Variants in CELSR3 observed in about 807,000 individuals in gnomAD.
The protein encoded by CELSR3 is EGF-like protein 1.
In CELSR3, 73 loss-of-function variants were observed where a neutral mutation model predicts 270.0. The observed-to-expected ratio is 0.27, with a 90% CI of 0.22 to 0.33. CELSR3 has a LOEUF of 0.33. CELSR3 is among the 10% of genes least tolerant of loss of function. The pLI is 1.00. For synonymous variants in CELSR3, 1,780 were observed against 1,905.4 expected, an observed-to-expected ratio of 0.93 and a Z score of 1.71; for missense variants, 3,614 against 4,533.8, an observed-to-expected ratio of 0.80 and a Z score of 5.83.
At position 48,653,566 on chromosome 3, in the gene CELSR3, GC is replaced by G. The variant is rs2047155792; in HGVS notation, c.5448+52del. On this transcript the variant is annotated intron_variant, in intron 9 of 34. Coordinates refer to ENST00000164024, the MANE Select transcript of CELSR3 (RefSeq NM_001407.3). This position sits in a 1 kb window ranked among gnomAD's most constrained non-coding sequence, Gnocchi z 6.5. ...ACCTGAACCCACAAGAATGTCAGTG[GC>G]GGCCTAAGAGACTGAGAACTGAGGG... is the stretch of plus-strand genomic sequence containing the variant. The G allele has an allele frequency of 6.3e-7, 1 of 1,578,344 alleles. No homozygotes were observed. Among genetic ancestry groups the G allele is most frequent in the South Asian group, 1.1e-5 (1 of 87,438 alleles).
rs2047124487 is a variant in CELSR3 at position 48,650,203 on chromosome 3, C to A, written c.6472+277G>T. 7.1e-6 allele frequency: 4 copies of A among 567,164 alleles called. No homozygotes were observed. The highest frequency in any genetic ancestry group is 1.3e-5 in the Non-Finnish European group (4 of 298,396). 35.1% of individuals were successfully genotyped at this position (567,164 alleles called of 1,614,324 possible). A position where few individuals can be genotyped will look rare whatever the true frequency, so the allele number is the denominator to read the frequency against. On this transcript the variant is annotated intron_variant, in intron 16 of 34. Coordinates refer to ENST00000164024, the MANE Select transcript of CELSR3 (RefSeq NM_001407.3). The surrounding 1 kb of genome is among the most constrained non-coding windows in gnomAD (Gnocchi z 5.1). Reference sequence around the variant, plus strand: ...GGGAGGGGTCTGCAGGGACCTCAGGCAGCAGGAGGGGTCTGCAAAAGCTCT... The same window carrying A: ...GGGAGGGGTCTGCAGGGACCTCAGGAAGCAGGAGGGGTCTGCAAAAGCTCT...
Position 48,660,634 on chromosome 3 carries a change from A to G in CELSR3, c.2001T>C (p.Gly667=). 1 of 1,614,158 alleles carries G rather than the reference A, an allele frequency of 6.2e-7. No homozygotes were observed. Among genetic ancestry groups the G allele is most frequent in the Non-Finnish European group, 8.5e-7 (1 of 1,180,014 alleles). Residue 667 remains glycine (G), a synonymous_variant, in exon 1 of 35, where the codon GGT becomes GGC. Transcript: ENST00000164024. The surrounding 1 kb of genome is among the most constrained non-coding windows in gnomAD (Gnocchi z 5.5). ...QVSVLENAPL[G]HSVIHIQAVD... is the part of the protein sequence containing the mutation. ...CTGCCTGAATGTGGATGACTGAGTG[A>G]CCCAAGGGAGCATTTTCCAAGACAG...
In CELSR3 at chr3:48,655,708, C is replaced by G. The variant is rs1172339387; in HGVS notation, c.4741+28G>C. ...CTGCGTCCTCCAGCACACACGCACC[C>G]TTTCGCCGTCACATCCGGGGCACCC... On this transcript the variant is annotated intron_variant, in intron 4 of 34. Coordinates refer to ENST00000164024, the MANE Select transcript of CELSR3 (RefSeq NM_001407.3). The surrounding 1 kb of genome is among the most constrained non-coding windows in gnomAD (Gnocchi z 5.8). 1.9e-6 allele frequency: 3 copies of G among 1,590,080 alleles called. No homozygotes were observed. In the East Asian group the frequency reaches 6.7e-5, roughly 36 times the overall value.
At position 48,653,321 on chromosome 3, in the gene CELSR3, G is replaced by T; in HGVS notation, c.5449-134C>A. On this transcript the variant is annotated intron_variant, in intron 9 of 34. Transcript: ENST00000164024. This position sits in a 1 kb window ranked among gnomAD's most constrained non-coding sequence, Gnocchi z 6.5. ...GGTCAAGGTTATACCTGGCACAAAG[G>T]GCACTGTGCCAGGGGACATCATGTT... The T allele has an allele frequency of 1.2e-6, 1 of 809,536 alleles. No homozygotes were observed. The highest frequency in any genetic ancestry group is 1.9e-6 in the Non-Finnish European group (1 of 512,836). 50.1% of individuals were successfully genotyped at this position (809,536 alleles called of 1,614,324 possible).
rs1324614146 is a variant in CELSR3 at position 48,651,792 on chromosome 3, C to T, written c.5924-74G>A. 5.8e-6 allele frequency: 9 copies of T among 1,538,742 alleles called. No homozygotes were observed. The highest frequency in any genetic ancestry group is 7.9e-6 in the Non-Finnish European group (9 of 1,145,674). ...GGAAGCAGGCACCCGTCCCGAGTCC[C>T]TGCCTCCTTCAGGTTCCCCAGTCTT... On this transcript the variant is annotated intron_variant, in intron 12 of 34. Coordinates refer to ENST00000164024, the MANE Select transcript of CELSR3 (RefSeq NM_001407.3). The surrounding 1 kb of genome is among the most constrained non-coding windows in gnomAD (Gnocchi z 7.4).
rs1180685110 is a variant in CELSR3, at chr3:48,654,348, T to C, written c.5093A>G (p.His1698Arg). 4 of 1,613,904 alleles carry C rather than the reference T, an allele frequency of 2.5e-6. No homozygotes were observed. Among genetic ancestry groups the C allele is most frequent in the South Asian group, 1.1e-5 (1 of 91,078 alleles). ...KDFIGCMRDLHIDGRRVDMAA... is the reference protein window; with the variant it reads ...KDFIGCMRDLRIDGRRVDMAA... ...CATGTCCACTCGGCGGCCATCAATGTGCAGGTCCCGCATACAGCCGATGAA... is the reference window on the plus strand; with the variant it reads ...CATGTCCACTCGGCGGCCATCAATGCGCAGGTCCCGCATACAGCCGATGAA... The change falls in exon 7 of 35, where the codon CAC becomes CGC. Residue 1698 changes from histidine to arginine, a missense_variant. Physicochemically the swap from His to Arg is conservative, Grantham distance 29 (BLOSUM62 0). Transcript: ENST00000164024. This position sits in a 1 kb window ranked among gnomAD's most constrained non-coding sequence, Gnocchi z 5.4.
In CELSR3 at chr3:48,642,182, G is replaced by C. The variant is rs868600719; in HGVS notation, c.8666-173C>G. 1.2e-6 allele frequency: 1 copy of C among 868,308 alleles called. No individual in the cohort carries two copies. Among genetic ancestry groups the C allele is most frequent in the African/African-American group, 1.7e-5 (1 of 58,630 alleles). 53.8% of individuals were successfully genotyped at this position (868,308 alleles called of 1,614,324 possible). Reference sequence around the variant, plus strand: ...GCTGGGACTTATCAGAGGGAAGGACGAATCAGGAGTGGACTGGGAGAACCA... The same window carrying C: ...GCTGGGACTTATCAGAGGGAAGGACCAATCAGGAGTGGACTGGGAGAACCA... On this transcript the variant is annotated intron_variant, in intron 31 of 34. Coordinates refer to ENST00000164024, the MANE Select transcript of CELSR3 (RefSeq NM_001407.3). This position sits in a 1 kb window ranked among gnomAD's most constrained non-coding sequence, Gnocchi z 6.1.
chr3:48,653,149 G>C lies in CELSR3; in HGVS notation c.5487C>G (p.Gly1829=). ...GAAGGAGATGGGAAGCACGGCCCGA[G>C]CCCCTGGTCACTGTCACAGACAGTA... ...RGLLSVTVTR[G]SGRASHLLLD... The change falls in exon 10 of 35, where the codon GGC becomes GGG. Residue 1829 remains glycine (G), a synonymous_variant. Coordinates refer to ENST00000164024, the MANE Select transcript of CELSR3 (RefSeq NM_001407.3). This position sits in a 1 kb window ranked among gnomAD's most constrained non-coding sequence, Gnocchi z 6.5. 1 of 1,613,308 alleles carries C rather than the reference G, an allele frequency of 6.2e-7. No individual in the cohort carries two copies. Among genetic ancestry groups the C allele is most frequent in the Non-Finnish European group, 8.5e-7 (1 of 1,180,018 alleles).
intron 18 of CELSR3, 115 bp from the exon 19 acceptor site, chr3:48,648,576 C>T (rs572970124): frequency 7.8e-5 from 106 of 1,367,542 alleles, no homozygotes; most frequent in East Asian, 1.5e-4. Context: ...GGCAAGGGGG[C>T]GGGGCTGGAG....
At position 48,660,129 on chromosome 3, in the gene CELSR3, G is replaced by A. The variant is rs753584947; in HGVS notation, c.2506C>T (p.Arg836Cys). 14 of 1,614,034 alleles carry A rather than the reference G, an allele frequency of 8.7e-6. No homozygotes were observed. Among genetic ancestry groups the A allele is most frequent in the South Asian group, 2.2e-5 (2 of 91,088 alleles). Reference sequence around the variant, plus strand: ...ACATAGCAGTGATCATGAAGGGCACGGTCAGATGCAGTTAGTACCAGCTTG... The same window carrying A: ...ACATAGCAGTGATCATGAAGGGCACAGTCAGATGCAGTTAGTACCAGCTTG... ...YFKLVLTASD[R>C]ALHDHCYVHI... Residue 836 changes from arginine to cysteine, a missense_variant, in exon 1 of 35, where the codon CGT becomes TGT. Physicochemically the swap from Arg to Cys is radical, Grantham distance 180. Transcript: ENST00000164024. The surrounding 1 kb of genome is among the most constrained non-coding windows in gnomAD (Gnocchi z 5.5).
In CELSR3 at chr3:48,645,005, T is replaced by C. The variant is rs200680047; in HGVS notation, c.7972+30A>G. 4.6e-4 allele frequency: 711 copies of C among 1,561,132 alleles called. 2 individuals are homozygous for C. The highest frequency in any genetic ancestry group is 7.0e-4 in the Admixed American group (40 of 56,898). ...CAGGGTCAGGGGTCAGGCCATGTGA[T>C]GGTTGGAGGTTGGGGGTCACAGCCC... On this transcript the variant is annotated intron_variant, in intron 25 of 34. Transcript: ENST00000164024. The surrounding 1 kb of genome is among the most constrained non-coding windows in gnomAD (Gnocchi z 5.4).
Position 48,662,696 on chromosome 3 carries a change from CGCCGCTCGGGCCCCCTCCCGGGCCCCT to C in CELSR3, c.-89_-63del. The C allele has an allele frequency of 1.3e-6, 1 of 773,202 alleles. No individual in the cohort carries two copies. The highest frequency in any genetic ancestry group is 1.8e-6 in the Non-Finnish European group (1 of 562,678). 47.9% of individuals were successfully genotyped at this position (773,202 alleles called of 1,614,324 possible). ...CCCGGTCCGGGCCTTGGGCTGGCCC[CGCCGCTCGGGCCCCCTCCCGGGCCCCT>C]GCCGCCGCCCCGGGCCCCCGCCCCT... On this transcript the variant is annotated 5_prime_UTR_variant, in exon 1 of 35. Transcript: ENST00000164024. This position sits in a 1 kb window ranked among gnomAD's most constrained non-coding sequence, Gnocchi z 7.1.
At chr3:48,656,001 AG>A in intron 3 of CELSR3, 138 bp downstream of exon 3, 2 of 1,119,626 alleles carry the variant, frequency 1.8e-6, no homozygotes, top group South Asian at 2.7e-5. Context: ...GGGTGCAGCG[AG>A]GTCAGGAGAC....
chr3:48,660,859 G>C lies in CELSR3; in HGVS notation c.1776C>G (p.His592Gln). 1 of 1,613,998 alleles carries C rather than the reference G, an allele frequency of 6.2e-7. No homozygotes were observed. Among genetic ancestry groups the C allele is most frequent in the Non-Finnish European group, 8.5e-7 (1 of 1,180,026 alleles). ...YNIISGNSRG[H>Q]FAIDSLTGEI... is the part of the protein sequence containing the mutation. ...CGCCAGTGAGGCTGTCGATGGCAAA[G>C]TGTCCACGGCTATTGCCACTGATGA... The change falls in exon 1 of 35, where the codon CAC becomes CAG. Residue 592 changes from histidine to glutamine, a missense_variant. Coordinates refer to ENST00000164024, the MANE Select transcript of CELSR3 (RefSeq NM_001407.3). This position sits in a 1 kb window ranked among gnomAD's most constrained non-coding sequence, Gnocchi z 5.5.
At position 48,653,561 on chromosome 3, in the gene CELSR3, C is replaced by G; in HGVS notation, c.5448+58G>C. On this transcript the variant is annotated intron_variant, in intron 9 of 34. Coordinates refer to ENST00000164024, the MANE Select transcript of CELSR3 (RefSeq NM_001407.3). This position sits in a 1 kb window ranked among gnomAD's most constrained non-coding sequence, Gnocchi z 6.5. ...GACCAACCTGAACCCACAAGAATGT[C>G]AGTGGCGGCCTAAGAGACTGAGAAC... 1.3e-6 allele frequency: 2 copies of G among 1,573,204 alleles called. No individual in the cohort carries two copies. Among genetic ancestry groups the G allele is most frequent in the Non-Finnish European group, 1.7e-6 (2 of 1,153,232 alleles).
chr3:48,651,830 C>T lies in CELSR3; in HGVS notation c.5923+47G>A, dbSNP rs765276240. 6.4e-7 allele frequency: 1 copy of T among 1,570,244 alleles called. No individual in the cohort carries two copies. The highest frequency in any genetic ancestry group is 8.6e-7 in the Non-Finnish European group (1 of 1,161,264). The stretch of plus-strand genomic sequence containing the variant: ...GTTCCCCAGTCTTCATCATGGGCCC[C>T]TAACGCCTGCCCAGGTCACCCTTCC... On this transcript the variant is annotated intron_variant, in intron 12 of 34. Transcript: ENST00000164024. The surrounding 1 kb of genome is among the most constrained non-coding windows in gnomAD (Gnocchi z 7.4).
rs772792398 is a variant in CELSR3 at position 48,656,920 on chromosome 3, C to G, written c.4177G>C (p.Val1393Leu). The G allele has an allele frequency of 6.2e-7, 1 of 1,610,948 alleles. No homozygotes were observed. Among genetic ancestry groups the G allele is most frequent in the Non-Finnish European group, 8.5e-7 (1 of 1,178,600 alleles). ...PCENYMKCVS[V>L]LRFDSSAPFL... The stretch of plus-strand genomic sequence containing the variant: ...GGCGCGGACGAGTCAAAGCGGAGCA[C>G]GGACACGCATTTCATGTAGTTCTCA... Residue 1393 changes from valine (V) to leucine (L), a missense_variant, in exon 2 of 35, where the codon GTG becomes CTG. Physicochemically the swap from Val to Leu is conservative, Grantham distance 32 (BLOSUM62 1). This residue lies in a region of CELSR3 where 1,331 missense variants were observed against 1,933.7 expected (regional missense o/e 0.69). Coordinates refer to ENST00000164024, the MANE Select transcript of CELSR3 (RefSeq NM_001407.3).
At position 48,645,855 on chromosome 3, in the gene CELSR3, C is replaced by T. The variant is rs370284974; in HGVS notation, c.7477G>A (p.Gly2493Ser). The T allele has an allele frequency of 4.4e-6, 7 of 1,601,794 alleles. No homozygotes were observed. The Admixed American group carries it at 6.7e-5, about 15-fold the overall frequency. ...WDPPGLAEQH[G>S]VWTARDCELV... ...TCGCAGTCCCGTGCTGTCCACACAC[C>T]ATGCTGCTCCGCCCTGCAGCCACAG... Residue 2493 changes from glycine (G) to serine (S), a missense_variant, in exon 23 of 35, where the codon GGT (glycine) becomes AGT (serine). Physicochemically the swap from Gly to Ser is moderately conservative, Grantham distance 56. This residue lies in a region of CELSR3 where 1,240 missense variants were observed against 1,351.7 expected (regional missense o/e 0.92). Transcript: ENST00000164024. The surrounding 1 kb of genome is among the most constrained non-coding windows in gnomAD (Gnocchi z 5.4).
At position 48,645,061 on chromosome 3, in the gene CELSR3, C is replaced by A; in HGVS notation, c.7946G>T (p.Gly2649Val). The A allele has an allele frequency of 1.9e-6, 3 of 1,593,946 alleles. No individual in the cohort carries two copies. The highest frequency in any genetic ancestry group is 1.7e-6 in the Non-Finnish European group (2 of 1,166,188). Residue 2649 changes from glycine to valine, a missense_variant, in exon 25 of 35, where the codon GGC becomes GTC. This residue lies in a region of CELSR3 where 1,240 missense variants were observed against 1,351.7 expected (regional missense o/e 0.92). Transcript: ENST00000164024. This position sits in a 1 kb window ranked among gnomAD's most constrained non-coding sequence, Gnocchi z 5.4. The stretch of plus-strand genomic sequence containing the variant: ...CAGCAGCACAGCAGGGACGCCCCAG[C>A]CCAGGGCATGGTAGAAGCGCATGGC... ...RGAMRFYHAL[G>V]WGVPAVLLGL... is the part of the protein sequence containing the mutation.
Sources: allele counts gnomAD v4.1 joint callset, GRCh38; gene constraint gnomAD v4.1.1; regional missense constraint gnomAD v4.1.1; non-coding constraint Gnocchi (gnomAD v3.1); transcripts MANE v1.5; gene names NCBI Gene and HGNC (gene_info 2026-07-23, HGNC 2026-07-21).